The following CIMIP6 variants were observed in gnomAD, a reference collection of about 807,000 sequenced individuals.
The protein encoded by CIMIP6 is uncharacterized protein C2orf73.
the CIMIP6 span, among the ~76,000 whole-genome samples, chr2:54,352,105 A>G: frequency 6.6e-6 from 1 of 152,190 alleles, no homozygotes; most frequent in Non-Finnish European, 1.5e-5. Context: ...TCAGCACAAC[A>G]CTAGTATTTG....
At chr2:54,353,760 T>G in the CIMIP6 span, among the ~76,000 whole-genome samples, 1 of 152,190 alleles carries the variant, frequency 6.6e-6, no homozygotes, top group Non-Finnish European at 1.5e-5. Flanking sequence ...AAATTACCAC[T>G]GATGTTCTGT....
the CIMIP6 span, among the ~76,000 whole-genome samples, chr2:54,343,417 A>G: frequency 6.6e-6 from 1 of 152,184 alleles, no homozygotes; most frequent in East Asian, 1.9e-4. Context: ...ATATAATAAA[A>G]TCATAGTATA....
At chr2:54,368,017 C>T in the CIMIP6 span, among the ~76,000 whole-genome samples, 1 of 152,092 alleles carries the variant, frequency 6.6e-6, no homozygotes. Flanking sequence ...AAAATGGTCC[C>T]CAGAGTTCTA....
the CIMIP6 span, among the ~76,000 whole-genome samples, chr2:54,347,999 T>G: frequency 7.9e-5 from 12 of 152,336 alleles, no homozygotes; most frequent in East Asian, 2.1e-3. Context: ...CTTTTCTTCC[T>G]TAAGGACGTA....
the CIMIP6 span, among the ~76,000 whole-genome samples, chr2:54,359,614 A>G: frequency 6.6e-6 from 1 of 151,158 alleles, no homozygotes. Flanking sequence ...AATAATAATA[A>G]TAATAATAAT....
the CIMIP6 span, among the ~76,000 whole-genome samples, chr2:54,332,151 CT>C: frequency 9.2e-5 from 14 of 152,172 alleles, no homozygotes; most frequent in African/African-American, 3.4e-4. Context: ...TGCTAGAATG[CT>C]TTTCCCACAA....
the CIMIP6 span, chr2:54,361,241 G>T: frequency 6.6e-6 from 1 of 152,084 alleles, no homozygotes; most frequent in East Asian, 1.9e-4. Flanking sequence ...TTAATTCAAA[G>T]ACATATGGGT....
the CIMIP6 span, among the ~76,000 whole-genome samples, chr2:54,381,056 C>G: frequency 6.6e-6 from 1 of 152,118 alleles, no homozygotes; most frequent in South Asian, 2.1e-4. Context: ...TATCATTCAT[C>G]TCTTTGCAGT....
chr2:54,343,257 T>C, the CIMIP6 span, among the ~76,000 whole-genome samples: 1 of 152,224 alleles, frequency 6.6e-6, no homozygotes, highest in Non-Finnish European at 1.5e-5. Context: ...TGCTCTTGTA[T>C]GACATAAAAT....
chr2:54,373,201 C>T, the CIMIP6 span, among the ~76,000 whole-genome samples: 2 of 152,094 alleles, frequency 1.3e-5, no homozygotes, highest in Non-Finnish European at 2.9e-5. Flanking sequence ...AGTGACACAA[C>T]CTTCACAGTC....
At chr2:54,331,102 G>A in the CIMIP6 span, 3 of 1,150,250 alleles carry the variant, frequency 2.6e-6, no homozygotes, top group East Asian at 2.4e-5. Context: ...GCCAAGCTCA[G>A]ACAGCCCCCT....
chr2:54,335,193 A>G, the CIMIP6 span, among the ~76,000 whole-genome samples: 3 of 152,236 alleles, frequency 2.0e-5, no homozygotes, highest in Non-Finnish European at 4.4e-5. Context: ...TGACTTTTAC[A>G]TATAAACAAT....
At chr2:54,360,068 T>G in the CIMIP6 span, 1 of 1,070,108 alleles carries the variant, frequency 9.3e-7, no homozygotes, top group South Asian at 2.1e-5. Context: ...GGGACTGAGG[T>G]GACACCAATG....
chr2:54,353,762 A>G, the CIMIP6 span, among the ~76,000 whole-genome samples: 1 of 152,104 alleles, frequency 6.6e-6, no homozygotes, highest in Admixed American at 6.5e-5. Context: ...ATTACCACTG[A>G]TGTTCTGTCC....
At chr2:54,368,005 A>C in the CIMIP6 span, among the ~76,000 whole-genome samples, 11 of 152,284 alleles carry the variant, frequency 7.2e-5, no homozygotes, top group South Asian at 2.1e-4. Context: ...GACATCCCCC[A>C]AAAAATGGTC....
At chr2:54,337,385 C>T in the CIMIP6 span, among the ~76,000 whole-genome samples, 3 of 152,120 alleles carry the variant, frequency 2.0e-5, no homozygotes, top group Admixed American at 6.5e-5. Context: ...CTTATGCTCT[C>T]GTACCAATTA....
chr2:54,382,757 G>A, the CIMIP6 span, among the ~76,000 whole-genome samples: 154 of 152,126 alleles, frequency 1.0e-3, no homozygotes, highest in Non-Finnish European at 1.9e-3. Context: ...ACCATGTGGC[G>A]GATTTATGCC....
the CIMIP6 span, among the ~76,000 whole-genome samples, chr2:54,352,897 A>G: frequency 6.6e-6 from 1 of 152,178 alleles, no homozygotes; most frequent in South Asian, 2.1e-4. Flanking sequence ...ATATGTGGAT[A>G]CAGAACCTAT....
At chr2:54,349,849 C>CTTTTT in the CIMIP6 span, among the ~76,000 whole-genome samples, 1 of 137,950 alleles carries the variant, frequency 7.2e-6, no homozygotes, top group African/African-American at 2.7e-5. Flanking sequence ...AAAAAGAAAT[C>CTTTTT]TTTTTTTTTT....
Sources: allele counts gnomAD v4.1 joint callset (sites outside exome capture counted in the v4.1 genomes callset), GRCh38; gene constraint gnomAD v4.1.1; transcripts MANE v1.5; gene names NCBI Gene and HGNC (gene_info 2026-07-23, HGNC 2026-07-21).